The following CEP290 variants were observed in gnomAD, a reference collection of about 807,000 sequenced individuals.
CEP290 encodes the protein centrosomal protein 290, also known as centrosomal protein of 290 kDa.
In CEP290, 317 loss-of-function variants were observed where a neutral mutation model predicts 344.9. The observed-to-expected ratio is 0.92, with a 90% CI of 0.84 to 1.01. The LOEUF (loss-of-function observed/expected upper bound fraction) is 1.01. Ranked by LOEUF, CEP290 falls within the 50% of genes least tolerant of loss-of-function variation. The probability of loss-of-function intolerance (pLI) is 0.00; values close to 1 mark genes in which losing one functional copy is unlikely to be tolerated. For synonymous variants in CEP290, 932 were observed against 895.8 expected (o/e 1.04, Z -0.72); for missense variants, 2,754 against 2,761.4 (o/e 1.00, Z 0.06).
At chr12:88,125,037 A>G (rs1328430224) in intron 13 of CEP290, among the ~76,000 whole-genome samples, 1 of 151,966 alleles carries the variant, frequency 6.6e-6, no homozygotes, top group Non-Finnish European at 1.5e-5. Context: ...AATTTTCACC[A>G]GAGGAGAAAA....
intron 18 of CEP290, 54 bp from the exon 19 acceptor site, chr12:88,115,236 C>A: frequency 1.0e-6 from 1 of 954,092 alleles, no homozygotes. Context: ...TATCACAAGT[C>A]TATAATTTTC....
chr12:88,050,357 C>A lies in CEP290; in HGVS notation c.7206G>T (p.Leu2402Phe), dbSNP rs886443473. 1 of 1,477,168 alleles carries A rather than the reference C, an allele frequency of 6.8e-7. No individual in the cohort carries two copies. Among genetic ancestry groups the A allele is most frequent in the African/African-American group, 1.4e-5 (1 of 71,374 alleles). The allele number at this position is 1,477,168 out of a possible 1,614,324, so 91.5% of individuals were successfully genotyped here. A position where few individuals can be genotyped will look rare whatever the true frequency, so the allele number is the denominator to read the frequency against. ...CTAAAATATAATTAAATATTACCTT[C>A]AAATGCTGCTTTTCTAGATCTGACA... ...LKMSDLEKQHLKEEIKKLKKE... is the reference protein window; with the variant it reads ...LKMSDLEKQHFKEEIKKLKKE... Residue 2402 changes from leucine (L) to phenylalanine (F), a missense_variant, in exon 53 of 54, where the codon TTG (leucine) becomes TTT (phenylalanine). Coordinates refer to ENST00000552810, the MANE Select transcript of CEP290 (RefSeq NM_025114.4).
chr12:88,079,788 T>C (rs1287674108), intron 38 of CEP290, among the ~76,000 whole-genome samples: 2 of 152,162 alleles, frequency 1.3e-5, no homozygotes, highest in Non-Finnish European at 2.9e-5. Context: ...TTCATCCCTT[T>C]TTGTCATTAT....
At chr12:88,075,133 C>T (rs962581060) in intron 41 of CEP290, among the ~76,000 whole-genome samples, 6 of 152,064 alleles carry the variant, frequency 3.9e-5, no homozygotes, top group East Asian at 1.9e-4. Context: ...TTGAATTGGA[C>T]GACACCCAGT....
chr12:88,061,024 A>C, intron 46 of CEP290, 30 bp from the exon 47 acceptor site: 2 of 1,483,062 alleles, frequency 1.3e-6, no homozygotes, highest in East Asian at 4.9e-5. Context: ...ATCTTTAATC[A>C]AATATTTTAG....
In CEP290 at chr12:88,068,555, T is replaced by C. The variant is rs752291080; in HGVS notation, c.6102A>G (p.Lys2034=). ...YLQEKLHALE[K]QFSKDTYSKP... is the part of the protein sequence containing the mutation. ...TAGAATATGTATCCTTTGAAAACTG[T>C]TTTTCTAAAGCATGAAGTTTTTCTT... is the stretch of plus-strand genomic sequence containing the variant. Residue 2034 remains lysine, a synonymous_variant, in exon 44 of 54, where the codon AAA becomes AAG. Transcript: ENST00000552810. 1 of 1,578,588 alleles carries C rather than the reference T, an allele frequency of 6.3e-7. No homozygotes were observed. The highest frequency in any genetic ancestry group is 1.2e-5 in the South Asian group (1 of 83,758).
chr12:88,113,617 G>A (rs1009415700), intron 20 of CEP290, among the ~76,000 whole-genome samples: 4 of 151,666 alleles, frequency 2.6e-5, no homozygotes, highest in Non-Finnish European at 4.4e-5. Flanking sequence ...GACAATGTAC[G>A]CTAAATATGT....
intron 32 of CEP290, 100 bp from the exon 33 acceptor site, chr12:88,086,598 G>C (rs1273419578): frequency 8.4e-6 from 6 of 712,908 alleles, no homozygotes; most frequent in Admixed American, 6.6e-5. Context: ...ACAACACATT[G>C]AAGAAACTGT....
chr12:88,091,093 T>C (rs2037000930), intron 29 of CEP290, among the ~76,000 whole-genome samples: 1 of 152,160 alleles, frequency 6.6e-6, no homozygotes, highest in Non-Finnish European at 1.5e-5. Context: ...CTAACATATA[T>C]TCAGTGCTCC....
At chr12:88,087,743 A>AT in intron 32 of CEP290, 37 bp downstream of exon 32, 1 of 762,814 alleles carries the variant, frequency 1.3e-6, no homozygotes, top group Non-Finnish European at 1.8e-6. Flanking sequence ...AAAAAAAAAA[A>AT]CTTAGGGAAA....
At chr12:88,124,681 C>A (rs1042929801) in intron 13 of CEP290, among the ~76,000 whole-genome samples, 2 of 151,978 alleles carry the variant, frequency 1.3e-5, no homozygotes, top group East Asian at 3.9e-4. Flanking sequence ...TTATAATAAA[C>A]ATGTCCATGA....
In CEP290 at chr12:88,129,661, GAATA is replaced by G. The variant is rs771215019; in HGVS notation, c.852+29_852+32del. 9.3e-5 allele frequency: 113 copies of G among 1,218,050 alleles called. No individual in the cohort carries two copies. In the East Asian group the frequency reaches 2.8e-3, roughly 30 times the overall value. The allele number at this position is 1,218,050 out of a possible 1,614,324, so 75.5% of individuals were successfully genotyped here. A position where few individuals can be genotyped will look rare whatever the true frequency, so the allele number is the denominator to read the frequency against. ...ATAGTAATGAGATAATATGAAGTCT[GAATA>G]AATAAGTTATTCTAAAAGTAATTCT... On this transcript the variant is annotated intron_variant, in intron 10 of 53. Coordinates refer to ENST00000552810, the MANE Select transcript of CEP290 (RefSeq NM_025114.4).
intron 6 of CEP290, chr12:88,135,850 T>C (rs1006752911): frequency 6.6e-6 from 1 of 152,054 alleles, no homozygotes; most frequent in Admixed American, 6.6e-5. Flanking sequence ...AGTTACCACA[T>C]GTAGGCACCA....
chr12:88,060,033 C>T lies in CEP290; in HGVS notation c.6523-13G>A. ...TTTCTAATTCAGCCTAGTAAAAAAA[C>T]AAACAAAATAAAAAGTATACATTAT... On this transcript the variant is annotated splice_polypyrimidine_tract_variant and intron_variant, in intron 47 of 53. Coordinates refer to ENST00000552810, the MANE Select transcript of CEP290 (RefSeq NM_025114.4). The T allele has an allele frequency of 6.6e-7, 1 of 1,513,518 alleles. No homozygotes were observed. Among genetic ancestry groups the T allele is most frequent in the Non-Finnish European group, 8.8e-7 (1 of 1,131,570 alleles). The allele number at this position is 1,513,518 out of a possible 1,614,324, so 93.8% of individuals were successfully genotyped here.
Position 88,125,281 on chromosome 12 carries a change from A to G in CEP290, c.1154T>C (p.Ile385Thr), listed in dbSNP as rs2039660560. Residue 385 changes from isoleucine to threonine, a missense_variant, in exon 13 of 54, where the codon ATT becomes ACT. Transcript: ENST00000552810. ...TTGGAGCTCATTTTTCAAATCTTCA[A>G]TAATACAAGTATTCTTTTCCATTTC... Reference protein sequence around the residue: ...TKEMEKNTCIIEDLKNELQRN... With the variant: ...TKEMEKNTCITEDLKNELQRN... The G allele has an allele frequency of 9.5e-7, 1 of 1,049,122 alleles. No individual in the cohort carries two copies. Among genetic ancestry groups the G allele is most frequent in the Non-Finnish European group, 1.3e-6 (1 of 768,658 alleles). 65.0% of individuals were successfully genotyped at this position (1,049,122 alleles called of 1,614,324 possible). A position where few individuals can be genotyped will look rare whatever the true frequency, so the allele number is the denominator to read the frequency against.
chr12:88,111,616 T>G, intron 21 of CEP290, 78 bp downstream of exon 21: 1 of 1,261,676 alleles, frequency 7.9e-7, no homozygotes, highest in South Asian at 1.6e-5. Flanking sequence ...TAAAGCATTC[T>G]TTTTAAAAAA....
chr12:88,062,605 T>G, intron 46 of CEP290, 87 bp downstream of exon 46: 1 of 799,366 alleles, frequency 1.3e-6, no homozygotes, highest in Non-Finnish European at 2.1e-6. Flanking sequence ...TAGAGGCATA[T>G]CAGTACTTTT....
At chr12:88,135,959 T>C (rs2040332528) in intron 6 of CEP290, 1 of 152,182 alleles carries the variant, frequency 6.6e-6, no homozygotes, top group African/African-American at 2.4e-5. Context: ...TGAGGTAAAA[T>C]AGGAAATTTT....
At chr12:88,074,120 G>A (rs954176616) in intron 41 of CEP290, among the ~76,000 whole-genome samples, 1 of 152,098 alleles carries the variant, frequency 6.6e-6, no homozygotes, top group African/African-American at 2.4e-5. Context: ...AGCTACTTGG[G>A]AGGTTGATGC....
Sources: allele counts gnomAD v4.1 joint callset (sites outside exome capture counted in the v4.1 genomes callset), GRCh38; gene constraint gnomAD v4.1.1; transcripts MANE v1.5; gene names NCBI Gene and HGNC (gene_info 2026-07-23, HGNC 2026-07-21).